SLC9A9: variants seen among roughly 807,000 people sequenced by gnomAD.
SLC9A9 encodes the protein solute carrier family 9 member A9.
Under a neutral mutation model 77.8 loss-of-function variants are expected in SLC9A9, and 62 were observed. The observed-to-expected ratio is 0.80, with a 90% CI of 0.65 to 0.98. The LOEUF (loss-of-function observed/expected upper bound fraction) is 0.98. Ranked by LOEUF, SLC9A9 falls within the 50% of genes least tolerant of loss-of-function variation. The pLI, the probability that SLC9A9 is intolerant of heterozygous loss-of-function variation, is 0.00. For synonymous variants in SLC9A9, 320 were observed against 283.5 expected (o/e 1.13, Z -1.29); for missense variants, 775 against 774.9 (o/e 1.00, Z 0.00).
At chr3:143,456,138 A>C (rs2035087204) in intron 12 of SLC9A9, among the ~76,000 whole-genome samples, 1 of 152,056 alleles carries the variant, frequency 6.6e-6, no homozygotes, top group Non-Finnish European at 1.5e-5. Flanking sequence ...TTTTTATTAA[A>C]TGCTTTTTCT....
intron 14 of SLC9A9, among the ~76,000 whole-genome samples, chr3:143,326,788 A>T (rs541074173): frequency 6.6e-6 from 1 of 152,224 alleles, no homozygotes; most frequent in Non-Finnish European, 1.5e-5. Flanking sequence ...CTGCATGGTA[A>T]CAAGGGCTGT....
intron 14 of SLC9A9, among the ~76,000 whole-genome samples, chr3:143,354,732 T>C (rs1294970983): frequency 2.0e-5 from 3 of 152,246 alleles, no homozygotes; most frequent in African/African-American, 7.2e-5. Flanking sequence ...ATTAAGGTAA[T>C]ACATATGTTT....
At chr3:143,457,710 T>C (rs866910423) in intron 12 of SLC9A9, among the ~76,000 whole-genome samples, 1 of 152,216 alleles carries the variant, frequency 6.6e-6, no homozygotes. Flanking sequence ...CTTTGACTCA[T>C]GGATTAGTTA....
chr3:143,839,158 C>T (rs1030963060), intron 1 of SLC9A9, among the ~76,000 whole-genome samples: 6 of 152,028 alleles, frequency 3.9e-5, no homozygotes, highest in African/African-American at 1.4e-4. Flanking sequence ...GTTCTCCCAC[C>T]AACCTTTTAA....
At chr3:143,669,976 T>A (rs1488091559) in intron 5 of SLC9A9, among the ~76,000 whole-genome samples, 1 of 152,176 alleles carries the variant, frequency 6.6e-6, no homozygotes, top group African/African-American at 2.4e-5. Flanking sequence ...GGAATGACAG[T>A]TTCTACTTGT....
chr3:143,435,195 T>A (rs368222349), intron 12 of SLC9A9, among the ~76,000 whole-genome samples: 2 of 152,264 alleles, frequency 1.3e-5, no homozygotes, highest in African/African-American at 4.8e-5. Flanking sequence ...TTCGTATGCC[T>A]TTTCTCTTCT....
intron 12 of SLC9A9, among the ~76,000 whole-genome samples, chr3:143,401,977 G>A (rs773207140): frequency 7.9e-5 from 12 of 152,140 alleles, no homozygotes; most frequent in Non-Finnish European, 5.9e-5. Context: ...CATCTCAGAT[G>A]GAGAAATCTA....
chr3:143,370,193 A>T (rs1417282325), intron 13 of SLC9A9, among the ~76,000 whole-genome samples: 1 of 152,216 alleles, frequency 6.6e-6, no homozygotes, highest in Non-Finnish European at 1.5e-5. Flanking sequence ...GATATACTGG[A>T]ATAATAAATT....
intron 9 of SLC9A9, among the ~76,000 whole-genome samples, chr3:143,524,475 G>C (rs1285503273): frequency 6.6e-6 from 1 of 152,108 alleles, no homozygotes; most frequent in Admixed American, 6.6e-5. Context: ...AGAGAAGATC[G>C]TGCCGTGACT....
intron 4 of SLC9A9, among the ~76,000 whole-genome samples, chr3:143,769,705 CATT>C (rs1173857381): frequency 2.6e-5 from 4 of 152,122 alleles, no homozygotes; most frequent in African/African-American, 9.7e-5. Flanking sequence ...TGACCTGAAA[CATT>C]AATATCCCAG....
In SLC9A9 at chr3:143,552,454, A is replaced by C. The variant is rs769153054; in HGVS notation, c.1001-4T>G. 48 of 1,612,236 alleles carry C rather than the reference A, an allele frequency of 3.0e-5. No individual in the cohort carries two copies. Among genetic ancestry groups the C allele is most frequent in the Admixed American group, 2.7e-4 (16 of 59,952 alleles). On this transcript the variant is annotated splice_polypyrimidine_tract_variant and splice_region_variant and intron_variant, in intron 8 of 15. Coordinates refer to ENST00000316549, the MANE Select transcript of SLC9A9 (RefSeq NM_173653.4). ...CAGAAGAGAACAGCAACTATCCCTG[A>C]AATTAAAAAAACAGATCAGTCAAAA...
At chr3:143,741,430 T>C (rs1366726471) in intron 4 of SLC9A9, among the ~76,000 whole-genome samples, 2 of 152,340 alleles carry the variant, frequency 1.3e-5, no homozygotes, top group South Asian at 4.1e-4. Flanking sequence ...AAGTCCACAC[T>C]GATATAAATA....
intron 9 of SLC9A9, among the ~76,000 whole-genome samples, chr3:143,549,955 G>A (rs2108636989): frequency 6.6e-6 from 1 of 152,290 alleles, no homozygotes; most frequent in Non-Finnish European, 1.5e-5. Flanking sequence ...GAGGTTTCTG[G>A]ATATTGGTAT....
intron 4 of SLC9A9, among the ~76,000 whole-genome samples, chr3:143,731,547 T>C (rs1477339361): frequency 6.6e-6 from 1 of 152,242 alleles, no homozygotes; most frequent in African/African-American, 2.4e-5. Flanking sequence ...CAGTCATACT[T>C]CTGAGCCAGG....
At chr3:143,354,502 C>A (rs534541209) in intron 14 of SLC9A9, among the ~76,000 whole-genome samples, 1 of 152,176 alleles carries the variant, frequency 6.6e-6, no homozygotes, top group East Asian at 1.9e-4. Flanking sequence ...GAGCTAGACC[C>A]AGGACTGTGT....
intron 2 of SLC9A9, among the ~76,000 whole-genome samples, chr3:143,813,847 T>C (rs1043913339): frequency 2.0e-5 from 3 of 152,172 alleles, no homozygotes; most frequent in South Asian, 2.1e-4. Flanking sequence ...CAAAAATATA[T>C]ACATTTTTAA....
At chr3:143,665,155 C>A (rs1421662873) in intron 5 of SLC9A9, among the ~76,000 whole-genome samples, 1 of 152,208 alleles carries the variant, frequency 6.6e-6, no homozygotes, top group Admixed American at 6.5e-5. Context: ...ATAGTGCAAT[C>A]AAATTAGAAC....
intron 14 of SLC9A9, among the ~76,000 whole-genome samples, chr3:143,277,634 C>T (rs987536870): frequency 6.6e-6 from 1 of 152,188 alleles, no homozygotes; most frequent in Non-Finnish European, 1.5e-5. Context: ...GATAGTGTTA[C>T]ATTTGGCTCA....
intron 4 of SLC9A9, among the ~76,000 whole-genome samples, chr3:143,734,953 T>C (rs1027962153): frequency 6.6e-6 from 1 of 152,158 alleles, no homozygotes; most frequent in Non-Finnish European, 1.5e-5. Flanking sequence ...GTGAATTGTG[T>C]TGTCACCTGC....
Sources: gnomAD v4.1 joint callset for allele counts (sites outside exome capture counted in the v4.1 genomes callset) on GRCh38, gnomAD v4.1.1 for gene constraint, MANE v1.5 for transcripts, NCBI Gene and HGNC (gene_info 2026-07-23, HGNC 2026-07-21) for gene names.